Variants in MTMR1 observed in about 807,000 individuals in gnomAD.
MTMR1 encodes the protein myotubularin related protein 1.
Under a neutral mutation model 51.6 loss-of-function variants are expected in MTMR1, and 17 were observed. The ratio of observed to expected loss-of-function variants is 0.33; its 90% CI spans 0.23 to 0.49. The LOEUF is 0.49. MTMR1 is among the 20% of genes least tolerant of loss of function. MTMR1 has a pLI of 0.99. For synonymous variants in MTMR1, 201 were observed against 205.6 expected, an observed-to-expected ratio of 0.98 and a Z score of 0.19; for missense variants, 386 against 526.9, an observed-to-expected ratio of 0.73 and a Z score of 2.62.
chrX:150,758,727 G>A (rs1370704511), intron 15 of MTMR1, among the ~76,000 whole-genome samples: 1 of 108,394 alleles, frequency 9.2e-6, no homozygotes, highest in East Asian at 2.9e-4. Context: ...GGAGGCGGAG[G>A]TTGTAGTGAG....
At chrX:150,728,013 C>T (rs782180193) in intron 6 of MTMR1, among the ~76,000 whole-genome samples, 6 of 111,638 alleles carry the variant, frequency 5.4e-5, no homozygotes, top group Admixed American at 9.5e-5. Context: ...CCCTTGGTAT[C>T]GGTGGGGGAT....
rs1023570405 is a variant in MTMR1, at chrX:150,720,257, A to G, written c.352+1557A>G. Among the ~76,000 whole-genome samples, 11 of 111,934 alleles carry G rather than the reference A, an allele frequency of 9.8e-5. No individual in the cohort carries two copies. The Admixed American group carries it at 1.0e-3, about 11-fold the overall frequency. On this transcript the variant is annotated intron_variant, in intron 4 of 15. Transcript: ENST00000445323. ...GAAACCATCATTCACAGTCAAGGTA[A>G]CAAACATATCCATCACCTCCCAGTT...
At chrX:150,732,829 G>A in intron 10 of MTMR1, 99 bp downstream of exon 10, 3 of 851,785 alleles carry the variant, frequency 3.5e-6, no homozygotes, top group Non-Finnish European at 4.9e-6. Context: ...CTCACCACCT[G>A]AAGTTAGAAT....
chrX:150,761,455 G>T (rs370795345), intron 15 of MTMR1, among the ~76,000 whole-genome samples: 37 of 112,747 alleles, frequency 3.3e-4, no homozygotes, highest in African/African-American at 1.2e-3. Flanking sequence ...GAACAGCTCA[G>T]TCTTTGAGGG....
intron 8 of MTMR1, 109 bp downstream of exon 8, chrX:150,730,717 C>T (rs1443860094): frequency 5.0e-6 from 2 of 403,771 alleles, no homozygotes; most frequent in African/African-American, 2.6e-5. Context: ...ACAAGTTATG[C>T]ACAGGTTTAA....
rs1557417743 is a variant in MTMR1 at position 150,755,852 on chromosome X, G to A, written c.1844G>A (p.Arg615Gln). 5.0e-6 allele frequency: 6 copies of A among 1,197,577 alleles called. No homozygotes were observed. The highest frequency in any genetic ancestry group is 3.0e-5 in the East Asian group (1 of 33,658). The change falls in exon 15 of 16, where the codon CGG becomes CAG. Residue 615 changes from arginine (R) to glutamine (Q), a missense_variant. Arg to Gln is a conservative substitution (Grantham distance 43). Transcript: ENST00000445323. ...AATTATTATGTACGATGGAATCCAC[G>A]GATGAGACCTCAGGTATCTTTTTGT... ...WVNYYVRWNP[R>Q]MRPQMPIHQN...
intron 2 of MTMR1, among the ~76,000 whole-genome samples, chrX:150,702,726 A>G (rs1163458902): frequency 8.9e-6 from 1 of 112,102 alleles, no homozygotes; most frequent in African/African-American, 3.2e-5. Flanking sequence ...ATTAAAAAGG[A>G]ATGGATTTTA....
intron 2 of MTMR1, among the ~76,000 whole-genome samples, chrX:150,702,930 T>C (rs782508962): frequency 8.9e-6 from 1 of 111,783 alleles, no homozygotes; most frequent in East Asian, 2.8e-4. Flanking sequence ...ATCCTGAAGA[T>C]TGGCCTGTTA....
In MTMR1 at chrX:150,755,803, C is replaced by T; in HGVS notation, c.1795C>T (p.Leu599=). The change falls in exon 15 of 16, where the codon CTG becomes TTG. Residue 599 remains leucine, a synonymous_variant. Coordinates refer to ENST00000445323, the MANE Select transcript of MTMR1 (RefSeq NM_001306144.3). The part of the protein sequence containing the change: ...ENHVLYPVAS[L]SHLELWVNYY... Reference sequence around the variant, plus strand: ...CCACGTGTTATATCCTGTTGCTAGTCTGAGTCATTTGGAATTGTGGGTAAA... The same window carrying T: ...CCACGTGTTATATCCTGTTGCTAGTTTGAGTCATTTGGAATTGTGGGTAAA... The T allele has an allele frequency of 8.3e-7, 1 of 1,206,302 alleles. No homozygotes were observed.
intron 5 of MTMR1, 152 bp downstream of exon 5, chrX:150,727,461 C>A (rs781889345): frequency 2.4e-4 from 124 of 518,553 alleles, no homozygotes; most frequent in Non-Finnish European, 1.8e-4. Context: ...ATGTTTGTAT[C>A]TTGAAAACAA....
chrX:150,727,150 C>T (rs1018422201), intron 4 of MTMR1, 65 bp from the exon 5 acceptor site: 9 of 695,631 alleles, frequency 1.3e-5, no homozygotes, highest in African/African-American at 2.2e-5. Flanking sequence ...TTGGAAAACT[C>T]GTGTTAAGTT....
intron 15 of MTMR1, among the ~76,000 whole-genome samples, chrX:150,761,893 TA>T (rs782551971): frequency 3.4e-4 from 38 of 112,207 alleles, no homozygotes; most frequent in Non-Finnish European, 5.8e-4. Flanking sequence ...CTTTCTTGTT[TA>T]TATTCACCCC....
intron 12 of MTMR1, among the ~76,000 whole-genome samples, chrX:150,742,686 G>A (rs1285282167): frequency 1.8e-5 from 2 of 108,719 alleles, no homozygotes; most frequent in Admixed American, 9.8e-5. Context: ...GCGTGGTGGC[G>A]GGCACCTGTA....
At chrX:150,699,977 GACTA>G (rs782651777) in intron 2 of MTMR1, among the ~76,000 whole-genome samples, 2 of 112,278 alleles carry the variant, frequency 1.8e-5, no homozygotes, top group South Asian at 7.4e-4. Flanking sequence ...TAAGGCTAAA[GACTA>G]ACTTTGTTTT....
In MTMR1 at chrX:150,730,161, G is replaced by A. The variant is rs1557416918; in HGVS notation, c.608G>A (p.Gly203Glu). Residue 203 changes from glycine (G) to glutamate (E), a missense_variant, in exon 7 of 16, where the codon GGG becomes GAG. Physicochemically the swap from Gly to Glu is moderately conservative, Grantham distance 98. Transcript: ENST00000445323. ...AYKQEEQSKL[G>E]IFENLNKHAF... The stretch of plus-strand genomic sequence containing the variant: ...AAACAGGAAGAACAGAGTAAACTAG[G>A]GATATTTGAAAACCTCAACAAACAT... 17 of 1,203,740 alleles carry A rather than the reference G, an allele frequency of 1.4e-5. No individual in the cohort carries two copies. The highest frequency in any genetic ancestry group is 1.9e-5 in the Non-Finnish European group (17 of 892,466).
rs1408096604 is a variant in MTMR1 at position 150,732,742 on chromosome X, A to G, written c.1080+12A>G. 2.1e-5 allele frequency: 24 copies of G among 1,166,388 alleles called. No individual in the cohort carries two copies. The highest frequency in any genetic ancestry group is 2.5e-5 in the Non-Finnish European group (22 of 865,036). ...CTGATACCAACAAGGTATATTCTTAATAGCACTGCAGAAACACTGGATATT... is the reference window on the plus strand; with the variant it reads ...CTGATACCAACAAGGTATATTCTTAGTAGCACTGCAGAAACACTGGATATT... On this transcript the variant is annotated intron_variant, in intron 10 of 15. Transcript: ENST00000445323.
At chrX:150,706,276 T>A (rs1305901776) in intron 2 of MTMR1, among the ~76,000 whole-genome samples, 2 of 111,782 alleles carry the variant, frequency 1.8e-5, no homozygotes, top group Non-Finnish European at 3.8e-5. Context: ...AATCTGGGGA[T>A]TCAGTTTCCA....
chrX:150,706,368 C>A (rs1557416069), intron 2 of MTMR1, among the ~76,000 whole-genome samples: 2 of 112,059 alleles, frequency 1.8e-5, no homozygotes, highest in Non-Finnish European at 3.8e-5. Flanking sequence ...CACAGAGGTT[C>A]TGATTTCTTG....
intron 2 of MTMR1, among the ~76,000 whole-genome samples, chrX:150,702,304 G>A (rs2040944056): frequency 9.1e-6 from 1 of 110,167 alleles, no homozygotes; most frequent in Admixed American, 9.7e-5. Context: ...GCAGCTTCCC[G>A]GGCTCCATCC....
Sources: gnomAD v4.1 joint callset for allele counts (sites outside exome capture counted in the v4.1 genomes callset) on GRCh38, gnomAD v4.1.1 for gene constraint, MANE v1.5 for transcripts, NCBI Gene and HGNC (gene_info 2026-07-23, HGNC 2026-07-21) for gene names.